Variants in HACD2 observed in about 807,000 individuals in gnomAD.
The protein encoded by HACD2 is 3-hydroxyacyl-CoA dehydratase 2, also known as very-long-chain (3R)-3-hydroxyacyl-CoA dehydratase 2.
Under a neutral mutation model 31.0 loss-of-function variants are expected in HACD2, and 15 were observed. That is an observed-to-expected ratio of 0.48 (90% CI 0.32 to 0.75). The LOEUF (loss-of-function observed/expected upper bound fraction) is 0.75, where lower values mean the gene tolerates loss of function less well. Among genes scored for constraint, HACD2 ranks in the 30% least tolerant of loss-of-function variants. The pLI is 0.03. For synonymous variants in HACD2, 115 were observed against 122.2 expected (o/e 0.94, Z 0.39); for missense variants, 283 against 313.0 (o/e 0.90, Z 0.72).
intron 3 of HACD2, among the ~76,000 whole-genome samples, chr3:123,560,661 T>C (rs937998028): frequency 6.6e-6 from 1 of 152,214 alleles, no homozygotes; most frequent in Admixed American, 6.5e-5. Context: ...AGAGAGCCAG[T>C]AGAAGCTGCG....
chr3:123,545,231 C>T (rs2056544262), intron 3 of HACD2, among the ~76,000 whole-genome samples: 1 of 150,010 alleles, frequency 6.7e-6, no homozygotes, highest in Non-Finnish European at 1.5e-5. Flanking sequence ...CCTGTAATCC[C>T]AGCACTTTGG....
intron 3 of HACD2, among the ~76,000 whole-genome samples, chr3:123,540,735 C>A (rs893732014): frequency 6.6e-6 from 1 of 151,950 alleles, no homozygotes; most frequent in Non-Finnish European, 1.5e-5. Flanking sequence ...TGTATTTCAC[C>A]AGCAAGAGCA....
At chr3:123,571,908 T>C (rs1441182850) in intron 2 of HACD2, among the ~76,000 whole-genome samples, 1 of 152,208 alleles carries the variant, frequency 6.6e-6, no homozygotes, top group Non-Finnish European at 1.5e-5. Flanking sequence ...TAATATGTAC[T>C]ACAAAATGGT....
chr3:123,531,527 A>C (rs1356681962), intron 3 of HACD2, among the ~76,000 whole-genome samples: 1 of 152,008 alleles, frequency 6.6e-6, no homozygotes, highest in Non-Finnish European at 1.5e-5. Context: ...AGGTCATCTG[A>C]AACTGACCTC....
At chr3:123,519,298 G>A (rs1468042310) in intron 4 of HACD2, among the ~76,000 whole-genome samples, 1 of 152,102 alleles carries the variant, frequency 6.6e-6, no homozygotes, top group Non-Finnish European at 1.5e-5. Flanking sequence ...GTACACCAGG[G>A]TTTTACTCCA....
intron 1 of HACD2, 197 bp downstream of exon 1, chr3:123,584,676 G>A: frequency 2.4e-6 from 1 of 411,826 alleles, no homozygotes; most frequent in East Asian, 3.9e-5. Context: ...CCCAGCGCAG[G>A]AGGGAGCTCG....
At chr3:123,504,881 A>G (rs542119590) in intron 4 of HACD2, among the ~76,000 whole-genome samples, 1 of 5,510 alleles carries the variant, frequency 1.8e-4, no homozygotes, top group African/African-American at 6.1e-4. Flanking sequence ...ATAACTCAAA[A>G]TGGACAAATG....
intron 6 of HACD2, among the ~76,000 whole-genome samples, chr3:123,495,688 G>T (rs934906210): frequency 2.0e-5 from 3 of 151,998 alleles, no homozygotes; most frequent in African/African-American, 7.3e-5. Flanking sequence ...GAATACTTTA[G>T]AAAGCACTGG....
chr3:123,538,127 C>G (rs1164498737), intron 3 of HACD2, among the ~76,000 whole-genome samples: 1 of 152,140 alleles, frequency 6.6e-6, no homozygotes, highest in African/African-American at 2.4e-5. Flanking sequence ...AGGGGACTGA[C>G]AGAGGGCAAT....
intron 4 of HACD2, among the ~76,000 whole-genome samples, chr3:123,522,029 G>A (rs762687290): frequency 2.6e-5 from 4 of 152,272 alleles, no homozygotes; most frequent in East Asian, 1.9e-4. Context: ...ACTCTTGGCC[G>A]GTGTGGTGGC....
intron 4 of HACD2, among the ~76,000 whole-genome samples, chr3:123,511,653 T>C (rs983867395): frequency 1.3e-5 from 2 of 152,208 alleles, no homozygotes; most frequent in Non-Finnish European, 2.9e-5. Flanking sequence ...AATATGTCCA[T>C]GAAATGACTT....
At chr3:123,550,199 C>A (rs1195988581) in intron 3 of HACD2, among the ~76,000 whole-genome samples, 2 of 152,174 alleles carry the variant, frequency 1.3e-5, no homozygotes, top group African/African-American at 2.4e-5. Flanking sequence ...CTCCCATGCC[C>A]CAGGCTTTAG....
chr3:123,575,177 A>C (rs2056895139), intron 2 of HACD2, among the ~76,000 whole-genome samples: 1 of 151,464 alleles, frequency 6.6e-6, no homozygotes, highest in South Asian at 2.1e-4. Flanking sequence ...TGGAGTGACC[A>C]TAACTTACTT....
intron 3 of HACD2, among the ~76,000 whole-genome samples, chr3:123,547,354 C>G (rs2056572039): frequency 6.6e-6 from 1 of 152,172 alleles, no homozygotes; most frequent in Admixed American, 6.5e-5. Context: ...CATATGTATT[C>G]CCCTTGATTC....
At chr3:123,574,706 T>A (rs1313747666) in intron 2 of HACD2, among the ~76,000 whole-genome samples, 1 of 152,172 alleles carries the variant, frequency 6.6e-6, no homozygotes, top group African/African-American at 2.4e-5. Context: ...TATAAATATA[T>A]ACTAAAGTAT....
intron 3 of HACD2, among the ~76,000 whole-genome samples, chr3:123,564,879 G>A (rs924469902): frequency 1.3e-5 from 2 of 152,172 alleles, no homozygotes; most frequent in South Asian, 2.1e-4. Context: ...GGATCCTGCC[G>A]CTGGGCTCTG....
intron 6 of HACD2, chr3:123,499,398 G>A (rs1310582745): frequency 1.4e-5 from 3 of 217,218 alleles, no homozygotes; most frequent in African/African-American, 2.3e-5. Context: ...GCCTCTGGTC[G>A]CTATGATTCC....
chr3:123,492,507 CAG>C lies in HACD2; in HGVS notation c.*2379_*2380del, dbSNP rs1213737089. The C allele has an allele frequency of 6.6e-6, 1 of 152,188 alleles. No individual in the cohort carries two copies. Among genetic ancestry groups the C allele is most frequent in the Non-Finnish European group, 1.5e-5 (1 of 68,032 alleles). 9.4% of individuals were successfully genotyped at this position (152,188 alleles called of 1,614,324 possible). On this transcript the variant is annotated 3_prime_UTR_variant, in exon 7 of 7. Coordinates refer to ENST00000383657, the MANE Select transcript of HACD2 (RefSeq NM_198402.5). ...TACTGAGAGAGGTTACTGAAGGACACAGTGACATGCCTTACTTATCTGCCATA... is the reference window on the plus strand; with the variant it reads ...TACTGAGAGAGGTTACTGAAGGACACTGACATGCCTTACTTATCTGCCATA...
chr3:123,584,865 A>G lies in HACD2; in HGVS notation c.155+8T>C. On this transcript the variant is annotated splice_region_variant and intron_variant, in intron 1 of 6. Transcript: ENST00000383657. ...CTGGCTCCCCGCCTCCCCGAGCCCC[A>G]GCCTCACCCGGCTGTCATCACCACA... 3 of 1,483,678 alleles carry G rather than the reference A, an allele frequency of 2.0e-6. No individual in the cohort carries two copies. The highest frequency in any genetic ancestry group is 2.7e-6 in the Non-Finnish European group (3 of 1,115,802). The allele number at this position is 1,483,678 out of a possible 1,614,324, so 91.9% of individuals were successfully genotyped here.
Sources: allele counts gnomAD v4.1 joint callset (sites outside exome capture counted in the v4.1 genomes callset), GRCh38; gene constraint gnomAD v4.1.1; transcripts MANE v1.5; gene names NCBI Gene and HGNC (gene_info 2026-07-23, HGNC 2026-07-21).